Variants in HPSE2 observed in about 807,000 individuals in gnomAD.
HPSE2 encodes the protein heparanase 2 (inactive).
Under a neutral mutation model 60.5 loss-of-function variants are expected in HPSE2, and 38 were observed. That is an observed-to-expected ratio of 0.63 (90% CI 0.48 to 0.82). The LOEUF (loss-of-function observed/expected upper bound fraction) is 0.82. Ranked by LOEUF, HPSE2 falls within the 40% of genes least tolerant of loss-of-function variation. HPSE2 has a pLI of 0.00. For missense variants in HPSE2, 713 were observed against 740.4 expected (o/e 0.96, Z 0.43); for synonymous variants, 295 against 293.2 (o/e 1.01, Z -0.06).
intron 3 of HPSE2, among the ~76,000 whole-genome samples, chr10:98,770,662 C>G (rs779427203): frequency 6.6e-5 from 10 of 152,130 alleles, no homozygotes; most frequent in African/African-American, 1.9e-4. Flanking sequence ...TCCCCTTCCC[C>G]CAACCACAGA....
At chr10:99,169,757 T>C (rs1589766865) in intron 2 of HPSE2, among the ~76,000 whole-genome samples, 1 of 151,974 alleles carries the variant, frequency 6.6e-6, no homozygotes, top group Admixed American at 6.6e-5. Context: ...CCCAGTCTCT[T>C]GGGGGAAAAG....
At chr10:98,755,044 A>G (rs1949846533) in intron 3 of HPSE2, among the ~76,000 whole-genome samples, 1 of 152,066 alleles carries the variant, frequency 6.6e-6, no homozygotes, top group African/African-American at 2.4e-5. Context: ...TTGAATGTAA[A>G]TCAGCTAAAC....
intron 2 of HPSE2, among the ~76,000 whole-genome samples, chr10:99,232,068 G>A (rs1280976796): frequency 1.3e-5 from 2 of 152,094 alleles, no homozygotes; most frequent in Non-Finnish European, 2.9e-5. Flanking sequence ...CCGGCAGCTG[G>A]GTGAGAACAA....
chr10:99,279,503 A>G, the HPSE2 span, among the ~76,000 whole-genome samples: 1 of 152,222 alleles, frequency 6.6e-6, no homozygotes, highest in African/African-American at 2.4e-5. Flanking sequence ...TTCTTACACT[A>G]TAACTAAAAG....
chr10:99,043,298 C>T (rs1455997429), intron 3 of HPSE2, among the ~76,000 whole-genome samples: 1 of 152,064 alleles, frequency 6.6e-6, no homozygotes, highest in Non-Finnish European at 1.5e-5. Context: ...TCCTGGCTAA[C>T]ACGGTGAAAC....
chr10:99,200,674 A>AATGATGATGACAATGATG (rs10658133), intron 2 of HPSE2, among the ~76,000 whole-genome samples: 1 of 151,606 alleles, frequency 6.6e-6, no homozygotes, highest in African/African-American at 2.4e-5. Flanking sequence ...TCAATAATAA[A>AATGATGATGACAATGATG]ATGATGACAA....
At chr10:99,239,619 G>A (rs952091659), upstream of HPSE2, among the ~76,000 whole-genome samples, 1 of 151,368 alleles carries the variant, frequency 6.6e-6, no homozygotes, top group African/African-American at 2.4e-5. Flanking sequence ...TAGTAGAGAC[G>A]GGGCTTCACC....
chr10:99,149,060 G>T (rs912612705), intron 2 of HPSE2, among the ~76,000 whole-genome samples: 7 of 151,728 alleles, frequency 4.6e-5, no homozygotes, highest in African/African-American at 1.7e-4. Context: ...AAAAAAAATA[G>T]CTGAAACTGA....
intron 2 of HPSE2, among the ~76,000 whole-genome samples, chr10:99,181,964 C>A (rs886698680): frequency 6.6e-6 from 1 of 152,142 alleles, no homozygotes. Context: ...CGTAAGACCA[C>A]AATGAAAAGG....
chr10:98,805,332 G>A (rs1951017728), intron 3 of HPSE2, among the ~76,000 whole-genome samples: 1 of 152,044 alleles, frequency 6.6e-6, no homozygotes, highest in African/African-American at 2.4e-5. Flanking sequence ...AAAATAGAAA[G>A]AATGAATAAG....
intron 6 of HPSE2, 67 bp from the exon 7 acceptor site, chr10:98,642,007 G>T: frequency 7.5e-7 from 1 of 1,340,194 alleles, no homozygotes; most frequent in Non-Finnish European, 1.1e-6. Context: ...CACTTCTCTA[G>T]CCCAAGGTCT....
Position 98,727,209 on chromosome 10 carries a change from T to A in HPSE2, c.785-5381A>T, listed in dbSNP as rs887471758. ...TTCAGAGTTGGTCCAGTATATTATC[T>A]AAAATATGTAGTTTTCAACAAAAAA... On this transcript the variant is annotated intron_variant, in intron 4 of 11. Coordinates refer to ENST00000370552, the MANE Select transcript of HPSE2 (RefSeq NM_021828.5). Among the ~76,000 whole-genome samples, 4 of 152,288 alleles carry A rather than the reference T, an allele frequency of 2.6e-5. No individual in the cohort carries two copies. The East Asian group carries it at 7.7e-4, about 29-fold the overall frequency.
intron 2 of HPSE2, among the ~76,000 whole-genome samples, chr10:99,204,663 C>A (rs546269702): frequency 1.3e-5 from 2 of 152,082 alleles, no homozygotes; most frequent in African/African-American, 2.4e-5. Flanking sequence ...CTGTGACCAG[C>A]ACCATGTAAA....
chr10:98,637,519 G>A (rs1946528765), intron 7 of HPSE2, among the ~76,000 whole-genome samples: 1 of 152,192 alleles, frequency 6.6e-6, no homozygotes, highest in Non-Finnish European at 1.5e-5. Context: ...ACCTAAGAGG[G>A]AGGGAGAATA....
chr10:99,310,285 T>C, the HPSE2 span, among the ~76,000 whole-genome samples: 1 of 152,196 alleles, frequency 6.6e-6, no homozygotes, highest in South Asian at 2.1e-4. Context: ...GACATAGACA[T>C]ATCTTTGGGA....
intron 6 of HPSE2, among the ~76,000 whole-genome samples, chr10:98,666,957 C>T (rs529623287): frequency 6.6e-6 from 1 of 151,378 alleles, no homozygotes; most frequent in African/African-American, 2.4e-5. Flanking sequence ...CCCAAAAGTC[C>T]ATACAAAAGA....
chr10:98,714,203 C>T (rs1316866910), intron 5 of HPSE2, among the ~76,000 whole-genome samples: 2 of 151,842 alleles, frequency 1.3e-5, no homozygotes, highest in African/African-American at 4.8e-5. Flanking sequence ...CTCTTAAACG[C>T]TTTTTGGAAA....
intron 7 of HPSE2, among the ~76,000 whole-genome samples, chr10:98,640,479 A>T (rs1946610014): frequency 6.6e-6 from 1 of 152,178 alleles, no homozygotes; most frequent in Non-Finnish European, 1.5e-5. Context: ...GAGGCTGTTT[A>T]TAATCTGAGT....
At chr10:98,574,516 A>G (rs1944588790) in intron 9 of HPSE2, among the ~76,000 whole-genome samples, 1 of 152,234 alleles carries the variant, frequency 6.6e-6, no homozygotes, top group African/African-American at 2.4e-5. Flanking sequence ...TTCCTTGGAA[A>G]GTCCAAATGG....
Sources: gnomAD v4.1 joint callset for allele counts (sites outside exome capture counted in the v4.1 genomes callset) on GRCh38, gnomAD v4.1.1 for gene constraint, MANE v1.5 for transcripts, NCBI Gene and HGNC (gene_info 2026-07-23, HGNC 2026-07-21) for gene names.